PATJ: variants seen among roughly 807,000 people sequenced by gnomAD.
The protein encoded by PATJ is PATJ crumbs cell polarity complex component.
A neutral mutation model predicts 224.9 loss-of-function variants in PATJ; 190 were observed. The ratio of observed to expected loss-of-function variants is 0.84; its 90% confidence interval spans 0.75 to 0.95. The LOEUF (loss-of-function observed/expected upper bound fraction) is 0.95. Ranked by LOEUF, PATJ falls within the 40% of genes least tolerant of loss-of-function variation. PATJ has a pLI of 0.00. For missense variants in PATJ, 2,121 were observed against 2,270.3 expected (o/e 0.93, Z 1.34); for synonymous variants, 769 against 820.3 (o/e 0.94, Z 1.07).
intron 28 of PATJ, among the ~76,000 whole-genome samples, chr1:62,013,877 G>A (rs1450517304): frequency 6.6e-6 from 1 of 152,088 alleles, no homozygotes; most frequent in African/African-American, 2.4e-5. Context: ...AGGTTCAAGT[G>A]ATTCTCATGC....
At chr1:61,941,922 T>C (rs920685169) in intron 27 of PATJ, among the ~76,000 whole-genome samples, 1 of 152,214 alleles carries the variant, frequency 6.6e-6, no homozygotes, top group African/African-American at 2.4e-5. Context: ...ATAGTAACAG[T>C]AAATCCAAAT....
At chr1:61,759,607 C>T (rs975246752) in intron 1 of PATJ, among the ~76,000 whole-genome samples, 1 of 152,138 alleles carries the variant, frequency 6.6e-6, no homozygotes, top group Non-Finnish European at 1.5e-5. Flanking sequence ...AAGGTTTCAC[C>T]ATGTTGTTCA....
At chr1:61,788,949 C>T (rs1371442230) in intron 8 of PATJ, among the ~76,000 whole-genome samples, 1 of 103,690 alleles carries the variant, frequency 9.6e-6, no homozygotes, top group Non-Finnish European at 1.9e-5. Flanking sequence ...GCTAGGATTA[C>T]AGGCGTGAGC....
intron 27 of PATJ, among the ~76,000 whole-genome samples, chr1:61,941,298 T>G (rs1677780824): frequency 6.6e-6 from 1 of 152,218 alleles, no homozygotes; most frequent in Non-Finnish European, 1.5e-5. Context: ...TATTCTACCT[T>G]GTAGCATTTA....
At chr1:61,879,315 T>C (rs1181706671) in intron 21 of PATJ, among the ~76,000 whole-genome samples, 1 of 152,212 alleles carries the variant, frequency 6.6e-6, no homozygotes, top group Non-Finnish European at 1.5e-5. Flanking sequence ...ACAGATGGCA[T>C]ATTGGATGAA....
At chr1:62,130,248 G>A (rs1180341423) in intron 41 of PATJ, among the ~76,000 whole-genome samples, 1 of 152,182 alleles carries the variant, frequency 6.6e-6, no homozygotes, top group Admixed American at 6.5e-5. Flanking sequence ...GCAGGAGGAT[G>A]GCTTGAGCCC....
chr1:62,087,566 A>G (rs1318100402), intron 33 of PATJ, among the ~76,000 whole-genome samples: 1 of 151,938 alleles, frequency 6.6e-6, no homozygotes, highest in South Asian at 2.1e-4. Context: ...ATGTCTGCCT[A>G]GAATTTCTCT....
chr1:62,117,654 A>G (rs768533357), intron 37 of PATJ, among the ~76,000 whole-genome samples: 4 of 152,162 alleles, frequency 2.6e-5, no homozygotes, highest in Non-Finnish European at 4.4e-5. Flanking sequence ...TTCCTAGGAG[A>G]ACCAAGTGTG....
chr1:62,071,533 C>G (rs1657411100), intron 31 of PATJ, among the ~76,000 whole-genome samples: 1 of 140,622 alleles, frequency 7.1e-6, no homozygotes, highest in African/African-American at 2.7e-5. Flanking sequence ...TGCTCTGTCA[C>G]CCAGGCTGGA....
intron 43 of PATJ, among the ~76,000 whole-genome samples, chr1:62,158,618 G>A (rs1315178154): frequency 1.3e-5 from 2 of 148,482 alleles, no homozygotes; most frequent in Admixed American, 1.4e-4. Context: ...CTACTCGGGA[G>A]GCTGAGGCAG....
At chr1:61,779,630 G>A (rs1647135132) in intron 7 of PATJ, among the ~76,000 whole-genome samples, 1 of 152,124 alleles carries the variant, frequency 6.6e-6, no homozygotes, top group Non-Finnish European at 1.5e-5. Flanking sequence ...AAGATAATGA[G>A]CGTATTCATT....
At chr1:61,760,304 A>G (rs1212483881) in intron 1 of PATJ, among the ~76,000 whole-genome samples, 1 of 152,172 alleles carries the variant, frequency 6.6e-6, no homozygotes, top group Non-Finnish European at 1.5e-5. Context: ...TTGGTTTTCA[A>G]TATGTTTTTT....
At chr1:61,858,349 A>C (rs1664028342) in intron 18 of PATJ, among the ~76,000 whole-genome samples, 2 of 152,104 alleles carry the variant, frequency 1.3e-5, no homozygotes, top group Non-Finnish European at 2.9e-5. Flanking sequence ...TGCAACCTCC[A>C]TCTCCCAGGT....
chr1:61,899,204 T>C (rs1418504992), intron 22 of PATJ, among the ~76,000 whole-genome samples: 1 of 152,206 alleles, frequency 6.6e-6, no homozygotes, highest in East Asian at 1.9e-4. Context: ...ATATCTATGA[T>C]ACATGTTGAT....
chr1:62,029,719 G>A (rs913053253), intron 29 of PATJ, among the ~76,000 whole-genome samples: 8 of 152,154 alleles, frequency 5.3e-5, no homozygotes, highest in Non-Finnish European at 1.2e-4. Context: ...TTGGAGAAGT[G>A]GGTACAGCGA....
intron 19 of PATJ, among the ~76,000 whole-genome samples, chr1:61,862,831 G>A (rs896603194): frequency 6.6e-6 from 1 of 151,790 alleles, no homozygotes; most frequent in Non-Finnish European, 1.5e-5. Context: ...GTATGGTTTT[G>A]CTTTACTTGA....
intron 21 of PATJ, among the ~76,000 whole-genome samples, chr1:61,879,860 A>C (rs1226687324): frequency 6.7e-6 from 1 of 148,716 alleles, no homozygotes; most frequent in Non-Finnish European, 1.5e-5. Flanking sequence ...TTCTTTTTAG[A>C]TAGAGTCTCA....
At chr1:61,869,563 T>G (rs1666005726) in intron 20 of PATJ, among the ~76,000 whole-genome samples, 1 of 152,184 alleles carries the variant, frequency 6.6e-6, no homozygotes, top group Non-Finnish European at 1.5e-5. Flanking sequence ...AGGGAAGCTC[T>G]GAGAAGGCTT....
intron 41 of PATJ, among the ~76,000 whole-genome samples, chr1:62,141,176 G>C (rs760849149): frequency 2.0e-5 from 3 of 151,970 alleles, no homozygotes; most frequent in African/African-American, 7.3e-5. Flanking sequence ...TATAAACTCT[G>C]TTGCCTCACA....
Sources: allele counts gnomAD v4.1 joint callset (sites outside exome capture counted in the v4.1 genomes callset), GRCh38; gene constraint gnomAD v4.1.1; transcripts MANE v1.5; gene names NCBI Gene and HGNC (gene_info 2026-07-23, HGNC 2026-07-21).